WHAMM: variants seen among roughly 807,000 people sequenced by gnomAD.
The protein encoded by WHAMM is WASP homolog-associated protein with actin, membranes and microtubules.
A neutral mutation model predicts 76.5 loss-of-function variants in WHAMM; 67 were observed. The ratio of observed to expected loss-of-function variants is 0.88; its 90% confidence interval spans 0.72 to 1.07. The LOEUF (loss-of-function observed/expected upper bound fraction) is 1.07. Ranked by LOEUF, WHAMM falls within the 50% of genes least tolerant of loss-of-function variation. WHAMM has a pLI of 0.00. For synonymous variants in WHAMM, 419 were observed against 422.1 expected, an observed-to-expected ratio of 0.99 and a Z score of 0.09; for missense variants, 1,021 against 1,051.1, an observed-to-expected ratio of 0.97 and a Z score of 0.40.
In WHAMM at chr15:82,834,981, C is replaced by T. The variant is rs1291649541; in HGVS notation, c.*1445C>T. 1 of 152,160 alleles carries T rather than the reference C, an allele frequency of 6.6e-6. No individual in the cohort carries two copies. Among genetic ancestry groups the T allele is most frequent in the Non-Finnish European group, 1.5e-5 (1 of 68,030 alleles). 9.4% of individuals were successfully genotyped at this position (152,160 alleles called of 1,614,324 possible). A position where few individuals can be genotyped will look rare whatever the true frequency, so the allele number is the denominator to read the frequency against. On this transcript the variant is annotated 3_prime_UTR_variant, in exon 10 of 10. Transcript: ENST00000286760. ...AGGGACTGATGCAAAGCAGTCCGTT[C>T]ATTTCTCAGACTGCGAGCATCCCTA... is the stretch of plus-strand genomic sequence containing the variant.
At chr15:82,821,894 A>G (rs1428809152) in intron 5 of WHAMM, among the ~76,000 whole-genome samples, 1 of 152,216 alleles carries the variant, frequency 6.6e-6, no homozygotes, top group Non-Finnish European at 1.5e-5. Flanking sequence ...TCCAAGTTTA[A>G]TAAATTTCTT....
chr15:82,812,824 T>G (rs776926713), intron 1 of WHAMM, among the ~76,000 whole-genome samples: 2 of 152,168 alleles, frequency 1.3e-5, no homozygotes. Context: ...CCACCATGCC[T>G]GGACAAAAGT....
Position 82,813,187 on chromosome 15 carries a change from G to A in WHAMM, c.694G>A (p.Val232Ile). ...QEEDEAYQEL[V>I]TVATMFFQYL... is the part of the protein sequence containing the mutation. Reference sequence around the variant, plus strand: ...GGAAGATGAAGCATACCAGGAATTGGTTACCGTGGCAACCATGTTCTTCCA... The same window carrying A: ...GGAAGATGAAGCATACCAGGAATTGATTACCGTGGCAACCATGTTCTTCCA... The change falls in exon 2 of 10, where the codon GTT (valine) becomes ATT (isoleucine). Residue 232 changes from valine (V) to isoleucine (I), a missense_variant. Val to Ile is a conservative substitution (Grantham distance 29). Around this residue, in one of 3 missense-constraint regions of WHAMM, gnomAD observed 501 missense variants for 524.9 expected, o/e 0.95. Transcript: ENST00000286760. The A allele has an allele frequency of 6.2e-7, 1 of 1,613,000 alleles. No homozygotes were observed.
At chr15:82,820,767 C>T (rs777713187) in intron 5 of WHAMM, among the ~76,000 whole-genome samples, 9 of 151,816 alleles carry the variant, frequency 5.9e-5, no homozygotes, top group South Asian at 2.1e-4. Context: ...TGATGGTAGG[C>T]GCCTGTAATC....
At position 82,833,413 on chromosome 15, in the gene WHAMM, C is replaced by G. The variant is rs143961704; in HGVS notation, c.2307C>G (p.Thr769=). 471 of 1,614,000 alleles carry G rather than the reference C, an allele frequency of 2.9e-4. 2 individuals are homozygous for G. In the African/African-American group the frequency reaches 5.7e-3, roughly 20 times the overall value. ...GCCCAAACCCCAGCAGCAAACCAAC[C>G]AGCAACAGACGCACCAGTGACCTTG... ...DLGPNPSSKP[T]SNRRTSDLER... Residue 769 remains threonine (T), a synonymous_variant, in exon 10 of 10, where the codon ACC becomes ACG. Transcript: ENST00000286760.
rs768459153 is a variant in WHAMM at position 82,810,270 on chromosome 15, C to T, written c.544C>T (p.Pro182Ser). The T allele has an allele frequency of 7.3e-7, 1 of 1,377,852 alleles. No individual in the cohort carries two copies. Among genetic ancestry groups the T allele is most frequent in the Non-Finnish European group, 9.4e-7 (1 of 1,068,268 alleles). 85.4% of individuals were successfully genotyped at this position (1,377,852 alleles called of 1,614,324 possible). The change falls in exon 1 of 10, where the codon CCG becomes TCG. Residue 182 changes from proline to serine, a missense_variant. By Grantham distance (74) the Pro-to-Ser change is moderately conservative (BLOSUM62 -1). Transcript: ENST00000286760. ...GGGCGGCGCGGCCGACTGCGAAAGC[C>T]CGCGCGAGTTCCGGGAGCGGGCCTT... is the stretch of plus-strand genomic sequence containing the variant. ...AEGGAADCES[P>S]REFRERALRA...
In WHAMM at chr15:82,835,325, C is replaced by T. The variant is rs750284084; in HGVS notation, c.*1789C>T. 3 of 152,378 alleles carry T rather than the reference C, an allele frequency of 2.0e-5. No individual in the cohort carries two copies. The highest frequency in any genetic ancestry group is 2.9e-5 in the Non-Finnish European group (2 of 68,188). The allele number at this position is 152,378 out of a possible 1,614,324, so 9.4% of individuals were successfully genotyped here. A position where few individuals can be genotyped will look rare whatever the true frequency, so the allele number is the denominator to read the frequency against. On this transcript the variant is annotated 3_prime_UTR_variant, in exon 10 of 10. Coordinates refer to ENST00000286760, the MANE Select transcript of WHAMM (RefSeq NM_001080435.3). ...TATTTTTAGTAGAGATGGGGTTTCA[C>T]CATGTTGGCAGGATGGTCTCGATCT...
chr15:82,829,234 G>C (rs183996491), intron 8 of WHAMM, among the ~76,000 whole-genome samples: 2 of 152,222 alleles, frequency 1.3e-5, no homozygotes, highest in African/African-American at 2.4e-5. Context: ...ACTTCAGGAA[G>C]GTGAGGCAGG....
intron 5 of WHAMM, among the ~76,000 whole-genome samples, chr15:82,820,968 GA>G (rs1402687238): frequency 6.6e-6 from 1 of 150,518 alleles, no homozygotes; most frequent in Non-Finnish European, 1.5e-5. Context: ...ATGTTTCCCA[GA>G]CTCATGCCAT....
chr15:82,830,515 T>C, intron 8 of WHAMM, 84 bp from the exon 9 acceptor site: 1 of 1,532,552 alleles, frequency 6.5e-7, no homozygotes, highest in South Asian at 1.3e-5. Context: ...TAGAAACGGA[T>C]GTGTTTATAG....
intron 5 of WHAMM, among the ~76,000 whole-genome samples, chr15:82,822,885 G>T (rs1566995372): frequency 6.7e-6 from 1 of 149,352 alleles, no homozygotes; most frequent in East Asian, 2.0e-4. Flanking sequence ...TACACTACAT[G>T]GATATACACA....
chr15:82,818,192 T>C, intron 4 of WHAMM, 103 bp downstream of exon 4: 1 of 1,256,000 alleles, frequency 8.0e-7, no homozygotes, highest in Non-Finnish European at 1.1e-6. Context: ...TCCATGGATA[T>C]ATTGTGTAGT....
intron 9 of WHAMM, among the ~76,000 whole-genome samples, chr15:82,832,024 C>T (rs76896649): frequency 0.013 from 1,927 of 152,244 alleles, 26 homozygotes; most frequent in Non-Finnish European, 0.015. Context: ...TAGGTGGAGA[C>T]CCAATGGCCT....
intron 2 of WHAMM, among the ~76,000 whole-genome samples, 196 bp from the exon 3 acceptor site, chr15:82,816,496 G>A (rs763044351): frequency 1.2e-4 from 18 of 152,124 alleles, no homozygotes; most frequent in Non-Finnish European, 2.5e-4. Context: ...GCCCCAGAGT[G>A]TCCTTTTGTC....
rs1430030257 is a variant in WHAMM at position 82,832,947 on chromosome 15, C to T, written c.2123-282C>T. Reference sequence around the variant, plus strand: ...ACAGATCACATTTGTCTTGAAAAACCGTCATTCTAACAAAAGTGCATGTCT... The same window carrying T: ...ACAGATCACATTTGTCTTGAAAAACTGTCATTCTAACAAAAGTGCATGTCT... On this transcript the variant is annotated intron_variant, in intron 9 of 9. Transcript: ENST00000286760. Among the ~76,000 whole-genome samples the T allele has an allele frequency of 4.6e-5, 7 of 152,272 alleles. No homozygotes were observed. The East Asian group carries it at 9.6e-4, about 21-fold the overall frequency.
intron 8 of WHAMM, among the ~76,000 whole-genome samples, chr15:82,827,319 G>T (rs1379629355): frequency 3.3e-5 from 5 of 150,406 alleles, no homozygotes; most frequent in Admixed American, 6.6e-5. Context: ...TTCTTTTTTT[G>T]AAGTATATAC....
chr15:82,818,879 C>G (rs781585175), intron 4 of WHAMM, among the ~76,000 whole-genome samples: 5 of 152,214 alleles, frequency 3.3e-5, no homozygotes, highest in South Asian at 4.1e-4. Context: ...TAACTGAGTG[C>G]TCATATAGCC....
rs548847203 is a variant in WHAMM at position 82,835,818 on chromosome 15, C to T, written c.*2282C>T. The T allele has an allele frequency of 6.6e-6, 1 of 152,374 alleles. No individual in the cohort carries two copies. Among genetic ancestry groups the T allele is most frequent in the Non-Finnish European group, 1.5e-5 (1 of 68,046 alleles). 9.4% of individuals were successfully genotyped at this position (152,374 alleles called of 1,614,324 possible). A position where few individuals can be genotyped will look rare whatever the true frequency, so the allele number is the denominator to read the frequency against. On this transcript the variant is annotated 3_prime_UTR_variant, in exon 10 of 10. Coordinates refer to ENST00000286760, the MANE Select transcript of WHAMM (RefSeq NM_001080435.3). ...GTCCAGTGGCTGTGGCCCAGGCCTC[C>T]TTCCCCACCACAGACAGGCCAGGCT... is the stretch of plus-strand genomic sequence containing the variant.
Position 82,809,954 on chromosome 15 carries a change from C to T in WHAMM, c.228C>T (p.Ser76=). 1 of 1,389,508 alleles carries T rather than the reference C, an allele frequency of 7.2e-7. No homozygotes were observed. Among genetic ancestry groups the T allele is most frequent in the Non-Finnish European group, 9.4e-7 (1 of 1,068,282 alleles). 86.1% of individuals were successfully genotyped at this position (1,389,508 alleles called of 1,614,324 possible). A position where few individuals can be genotyped will look rare whatever the true frequency, so the allele number is the denominator to read the frequency against. The change falls in exon 1 of 10, where the codon TCC becomes TCT. Residue 76 remains serine (S), a synonymous_variant. Coordinates refer to ENST00000286760, the MANE Select transcript of WHAMM (RefSeq NM_001080435.3). ...AGCCTGAGGCCGCCGTCTCCCCGTC[C>T]AGCTGGGCCGGCCTGCTCTCGGCCG... ...EPKPEAAVSP[S]SWAGLLSAAG...
Sources: gnomAD v4.1 joint callset for allele counts (sites outside exome capture counted in the v4.1 genomes callset) on GRCh38, gnomAD v4.1.1 for gene constraint, gnomAD v4.1.1 regional missense constraint, MANE v1.5 for transcripts, NCBI Gene and HGNC (gene_info 2026-07-23, HGNC 2026-07-21) for gene names.